Variants in TMEM178B observed in about 807,000 individuals in gnomAD.
TMEM178B encodes the protein transmembrane protein 178B.
In TMEM178B, 5 loss-of-function variants were observed where a neutral mutation model predicts 31.0. The ratio of observed to expected loss-of-function variants is 0.16; its 90% CI spans 0.08 to 0.34. The LOEUF is 0.34. Ranked by LOEUF, TMEM178B falls within the 10% of genes least tolerant of loss-of-function variation. The pLI is 1.00. For synonymous variants in TMEM178B, 164 were observed against 164.0 expected (o/e 1.00, Z 0.00); for missense variants, 275 against 400.3 (o/e 0.69, Z 2.67).
chr7:141,117,984 A>G (rs76670977), intron 1 of TMEM178B, among the ~76,000 whole-genome samples: 39,622 of 152,084 alleles, frequency 0.26, 5,337 homozygotes, highest in South Asian at 0.47. Context: ...TTAAGGGACC[A>G]TTCTATGGCA....
At chr7:141,345,645 A>C (rs1302300169) in intron 2 of TMEM178B, among the ~76,000 whole-genome samples, 1 of 152,186 alleles carries the variant, frequency 6.6e-6, no homozygotes, top group African/African-American at 2.4e-5. Context: ...TTCGTGTTTC[A>C]CAGAAAATGC....
At chr7:141,458,873 C>T (rs577900162) in intron 3 of TMEM178B, among the ~76,000 whole-genome samples, 104 of 152,152 alleles carry the variant, frequency 6.8e-4, no homozygotes, top group Non-Finnish European at 1.3e-3. Flanking sequence ...CCTGTGCGCA[C>T]GCACACACAC....
At chr7:141,215,830 CTTTCTTT>C (rs1477750342) in intron 2 of TMEM178B, among the ~76,000 whole-genome samples, 4 of 38,146 alleles carry the variant, frequency 1.0e-4, no homozygotes, top group Admixed American at 3.8e-4. Context: ...TTCTTTCTTT[CTTTCTTT>C]CTTTTCTTTT....
chr7:141,117,908 T>G (rs1385871994), intron 1 of TMEM178B, among the ~76,000 whole-genome samples: 1 of 152,222 alleles, frequency 6.6e-6, no homozygotes, highest in East Asian at 1.9e-4. Context: ...TTTTGGTTAC[T>G]GTAGCCTTGT....
chr7:141,486,719 TTG>T, the TMEM178B span, among the ~76,000 whole-genome samples: 3 of 152,174 alleles, frequency 2.0e-5, no homozygotes, highest in Admixed American at 1.3e-4. Context: ...AGCACATATT[TTG>T]TGTCAGGCAC....
At chr7:141,340,724 A>G (rs2116510138) in intron 2 of TMEM178B, among the ~76,000 whole-genome samples, 1 of 152,336 alleles carries the variant, frequency 6.6e-6, no homozygotes, top group South Asian at 2.1e-4. Context: ...GAAAAGAAAT[A>G]TCATACCTTG....
At chr7:141,147,229 C>A (rs1010295943) in intron 1 of TMEM178B, among the ~76,000 whole-genome samples, 1 of 151,688 alleles carries the variant, frequency 6.6e-6, no homozygotes, top group East Asian at 1.9e-4. Flanking sequence ...CCCTCCTTCC[C>A]TTTCTCCTTC....
intron 1 of TMEM178B, among the ~76,000 whole-genome samples, chr7:141,162,963 A>G (rs1462772078): frequency 6.6e-6 from 1 of 152,250 alleles, no homozygotes; most frequent in African/African-American, 2.4e-5. Flanking sequence ...TGCCAAAAAT[A>G]GATTCCCTTC....
At chr7:141,216,778 C>T (rs892150047) in intron 2 of TMEM178B, among the ~76,000 whole-genome samples, 3 of 152,140 alleles carry the variant, frequency 2.0e-5, no homozygotes, top group South Asian at 4.1e-4. Flanking sequence ...CCTTCCTACC[C>T]ACCCACTATC....
At chr7:141,222,648 A>C (rs1019674978) in intron 2 of TMEM178B, among the ~76,000 whole-genome samples, 5 of 152,192 alleles carry the variant, frequency 3.3e-5, no homozygotes, top group Non-Finnish European at 5.9e-5. Context: ...ATGACATTTC[A>C]TCAACTCAGG....
At chr7:141,086,626 C>G (rs1794792711) in intron 1 of TMEM178B, among the ~76,000 whole-genome samples, 1 of 152,132 alleles carries the variant, frequency 6.6e-6, no homozygotes, top group African/African-American at 2.4e-5. Context: ...ATGGTATTTA[C>G]TTTTCTCAAG....
At chr7:141,087,018 A>C (rs536934490) in intron 1 of TMEM178B, among the ~76,000 whole-genome samples, 239 of 152,286 alleles carry the variant, frequency 1.6e-3, no homozygotes, top group South Asian at 3.5e-3. Flanking sequence ...ACAAAAAAAA[A>C]CAGAAGATCT....
At chr7:141,187,272 C>T (rs1045508230) in intron 1 of TMEM178B, among the ~76,000 whole-genome samples, 2 of 151,834 alleles carry the variant, frequency 1.3e-5, no homozygotes, top group African/African-American at 4.8e-5. Context: ...GACATGAGCT[C>T]ATCATTTTTT....
intron 1 of TMEM178B, among the ~76,000 whole-genome samples, chr7:141,107,117 G>T (rs1178745140): frequency 6.6e-6 from 1 of 152,192 alleles, no homozygotes; most frequent in African/African-American, 2.4e-5. Context: ...GGAAGAGAGA[G>T]GAAGCAGCCT....
chr7:141,381,711 G>A (rs1403671915), intron 2 of TMEM178B, among the ~76,000 whole-genome samples: 1 of 152,170 alleles, frequency 6.6e-6, no homozygotes, highest in Non-Finnish European at 1.5e-5. Flanking sequence ...AGGGCTGGTT[G>A]GCAAGGATAG....
chr7:141,095,814 ACCATTGCCTTTT>A (rs1216769105), intron 1 of TMEM178B, among the ~76,000 whole-genome samples: 1 of 152,234 alleles, frequency 6.6e-6, no homozygotes, highest in African/African-American at 2.4e-5. Context: ...GCAGATCAGA[ACCATTGCCTTTT>A]CCAGTGATCT....
chr7:141,225,287 C>A (rs1230010579), intron 2 of TMEM178B, among the ~76,000 whole-genome samples: 1 of 152,174 alleles, frequency 6.6e-6, no homozygotes, highest in Admixed American at 6.5e-5. Flanking sequence ...CACCCCTCCC[C>A]CACCATAGGC....
chr7:141,138,068 T>C (rs1795704041), intron 1 of TMEM178B, among the ~76,000 whole-genome samples: 3 of 151,916 alleles, frequency 2.0e-5, no homozygotes, highest in African/African-American at 7.2e-5. Context: ...ATTCAATTTT[T>C]TTTTTTTTTT....
chr7:141,369,007 T>C (rs1800060688), intron 2 of TMEM178B, among the ~76,000 whole-genome samples: 1 of 145,958 alleles, frequency 6.9e-6, no homozygotes, highest in South Asian at 2.5e-4. Context: ...TGGGGCCCAC[T>C]CTAAGAACAA....
Sources: allele counts gnomAD v4.1 joint callset (sites outside exome capture counted in the v4.1 genomes callset), GRCh38; gene constraint gnomAD v4.1.1; transcripts MANE v1.5; gene names NCBI Gene and HGNC (gene_info 2026-07-23, HGNC 2026-07-21).